The following CMTM8 variants were observed in gnomAD, a reference collection of about 807,000 sequenced individuals.
CMTM8 encodes the protein CKLF-like MARVEL transmembrane domain-containing protein 8.
Under a neutral mutation model 18.6 loss-of-function variants are expected in CMTM8, and 12 were observed. The observed-to-expected ratio is 0.65, with a 90% confidence interval of 0.41 to 1.05. The LOEUF is 1.05. CMTM8 is among the 50% of genes least tolerant of loss of function. The probability of loss-of-function intolerance (pLI) is 0.00; values close to 1 mark genes in which losing one functional copy is unlikely to be tolerated. For synonymous variants in CMTM8, 87 were observed against 90.6 expected (o/e 0.96, Z 0.23); for missense variants, 217 against 227.2 (o/e 0.95, Z 0.29).
chr3:32,296,606 T>G (rs1162432000), intron 1 of CMTM8, among the ~76,000 whole-genome samples: 1 of 152,204 alleles, frequency 6.6e-6, no homozygotes, highest in Non-Finnish European at 1.5e-5. Flanking sequence ...GAATGATCAC[T>G]TACCATTCTG....
At chr3:32,342,154 A>G (rs1696510677) in intron 1 of CMTM8, among the ~76,000 whole-genome samples, 1 of 152,118 alleles carries the variant, frequency 6.6e-6, no homozygotes, top group Non-Finnish European at 1.5e-5. Flanking sequence ...AGGCTGAGGC[A>G]GGAGAATCGC....
At chr3:32,313,602 G>C (rs1448622549) in intron 1 of CMTM8, among the ~76,000 whole-genome samples, 4 of 152,116 alleles carry the variant, frequency 2.6e-5, no homozygotes, top group Non-Finnish European at 5.9e-5. Flanking sequence ...ACCAGGCCTG[G>C]CCCAGCATCC....
intron 1 of CMTM8, among the ~76,000 whole-genome samples, chr3:32,307,496 C>T (rs764552301): frequency 4.6e-5 from 7 of 151,954 alleles, no homozygotes; most frequent in Non-Finnish European, 7.4e-5. Context: ...AACAGATCCT[C>T]GGGGAGATGA....
At chr3:32,285,405 C>T (rs1702664252) in intron 1 of CMTM8, among the ~76,000 whole-genome samples, 1 of 151,842 alleles carries the variant, frequency 6.6e-6, no homozygotes, top group South Asian at 2.1e-4. Flanking sequence ...ATTTAAGCTA[C>T]TCAGAAGGCT....
At chr3:32,333,573 C>T (rs909061497) in intron 1 of CMTM8, among the ~76,000 whole-genome samples, 7 of 149,458 alleles carry the variant, frequency 4.7e-5, no homozygotes, top group Admixed American at 3.4e-4. Context: ...AACCATTTCG[C>T]TAGATCTAAC....
intron 2 of CMTM8, among the ~76,000 whole-genome samples, chr3:32,362,105 A>G (rs1236376505): frequency 7.4e-6 from 1 of 134,958 alleles, no homozygotes; most frequent in Non-Finnish European, 1.5e-5. Context: ...TAGTGGTGCA[A>G]TCTCGGCTCA....
At chr3:32,317,603 A>G (rs906017777) in intron 1 of CMTM8, among the ~76,000 whole-genome samples, 4 of 152,214 alleles carry the variant, frequency 2.6e-5, no homozygotes, top group African/African-American at 9.7e-5. Flanking sequence ...AACTTACCCT[A>G]AGGTGAACCT....
At position 32,336,794 on chromosome 3, in the gene CMTM8, C is replaced by T. The variant is rs114904832; in HGVS notation, c.148-20579C>T. On this transcript the variant is annotated intron_variant, in intron 1 of 3. Coordinates refer to ENST00000307526, the MANE Select transcript of CMTM8 (RefSeq NM_178868.5). Reference sequence around the variant, plus strand: ...GGGAGATAGCGTTCATTTTTTTCTTCTCCTCTTTGCCTTTTATTCCCCCAT... The same window carrying T: ...GGGAGATAGCGTTCATTTTTTTCTTTTCCTCTTTGCCTTTTATTCCCCCAT... Among the ~76,000 whole-genome samples, 527 of 151,536 alleles carry T rather than the reference C, an allele frequency of 3.5e-3. 3 individuals carry two copies. The highest frequency in any genetic ancestry group is 0.012 in the African/African-American group (507 of 41,392).
intron 1 of CMTM8, among the ~76,000 whole-genome samples, chr3:32,326,673 T>G (rs572808483): frequency 1.3e-5 from 2 of 152,132 alleles, no homozygotes; most frequent in African/African-American, 4.8e-5. Flanking sequence ...CGTACCATCA[T>G]GCCCACTAAT....
intron 1 of CMTM8, among the ~76,000 whole-genome samples, chr3:32,250,094 A>G (rs1032213104): frequency 6.6e-6 from 1 of 152,180 alleles, no homozygotes; most frequent in Admixed American, 6.5e-5. Flanking sequence ...TCACATATGG[A>G]TATCAATTGT....
chr3:32,335,364 T>C (rs545869081), intron 1 of CMTM8, among the ~76,000 whole-genome samples: 6 of 152,314 alleles, frequency 3.9e-5, no homozygotes, highest in Admixed American at 3.3e-4. Flanking sequence ...TGTGGCGTGT[T>C]GGAGTCAGGC....
chr3:32,257,847 C>T (rs1205589939), intron 1 of CMTM8, among the ~76,000 whole-genome samples: 3 of 152,016 alleles, frequency 2.0e-5, no homozygotes, highest in South Asian at 2.1e-4. Context: ...CTCTGTACCT[C>T]GGCAGTGAAT....
chr3:32,345,613 A>G (rs888165008), intron 1 of CMTM8, among the ~76,000 whole-genome samples: 1 of 152,244 alleles, frequency 6.6e-6, no homozygotes, highest in African/African-American at 2.4e-5. Flanking sequence ...ACCTTAGGTC[A>G]TTAAAAAAGT....
intron 1 of CMTM8, among the ~76,000 whole-genome samples, chr3:32,288,700 C>T (rs1702727020): frequency 6.6e-6 from 1 of 152,166 alleles, no homozygotes; most frequent in South Asian, 2.1e-4. Flanking sequence ...CGGCATTTCA[C>T]CATGTTAGCC....
rs537901884 is a variant in CMTM8, at chr3:32,337,945, C to G, written c.148-19428C>G. ...AGTAGTTGTGGCAGAGATCATGTGG[C>G]CCACAAAGCCAAAAATATTTACTAT... On this transcript the variant is annotated intron_variant, in intron 1 of 3. Coordinates refer to ENST00000307526, the MANE Select transcript of CMTM8 (RefSeq NM_178868.5). Among the ~76,000 whole-genome samples the G allele has an allele frequency of 2.0e-5, 3 of 151,222 alleles. No individual in the cohort carries two copies. The South Asian group carries it at 6.3e-4, about 32-fold the overall frequency.
chr3:32,367,759 G>A (rs574083060), intron 2 of CMTM8, 113 bp from the exon 3 acceptor site: 2 of 667,818 alleles, frequency 3.0e-6, no homozygotes, highest in Admixed American at 2.1e-5. Context: ...CCTCCCACAG[G>A]TGTCCACTTG....
intron 1 of CMTM8, among the ~76,000 whole-genome samples, chr3:32,324,560 G>A (rs1475011029): frequency 1.3e-5 from 2 of 152,214 alleles, no homozygotes; most frequent in Non-Finnish European, 2.9e-5. Flanking sequence ...GCTTCTCTAA[G>A]AGGGTGAAAA....
At chr3:32,297,266 C>T (rs1476146513) in intron 1 of CMTM8, among the ~76,000 whole-genome samples, 2 of 152,154 alleles carry the variant, frequency 1.3e-5, no homozygotes, top group Non-Finnish European at 2.9e-5. Flanking sequence ...GCAACCTCCA[C>T]CTCCTGGGTT....
chr3:32,274,355 C>A (rs1181222613), intron 1 of CMTM8, among the ~76,000 whole-genome samples: 2 of 151,920 alleles, frequency 1.3e-5, no homozygotes, highest in Non-Finnish European at 2.9e-5. Flanking sequence ...GGGAGGATAC[C>A]CAGTCTGTCA....
Sources: allele counts gnomAD v4.1 joint callset (sites outside exome capture counted in the v4.1 genomes callset), GRCh38; gene constraint gnomAD v4.1.1; transcripts MANE v1.5; gene names NCBI Gene and HGNC (gene_info 2026-07-23, HGNC 2026-07-21).